CHRM3: variants seen among roughly 807,000 people sequenced by gnomAD.
CHRM3 encodes muscarinic acetylcholine receptor M3.
Under a neutral mutation model 41.8 loss-of-function variants are expected in CHRM3, and 11 were observed. The ratio of observed to expected loss-of-function variants is 0.26; its 90% CI spans 0.17 to 0.44. The LOEUF (loss-of-function observed/expected upper bound fraction) is 0.44, where lower values mean the gene tolerates loss of function less well. CHRM3 is among the 20% of genes least tolerant of loss of function. The pLI is 1.00. For missense variants in CHRM3, 571 were observed against 745.4 expected, an observed-to-expected ratio of 0.77 and a Z score of 2.72; for synonymous variants, 297 against 301.4, an observed-to-expected ratio of 0.99 and a Z score of 0.15.
rs1660702967 is a variant in CHRM3 at position 239,559,895 on chromosome 1, G to T, written c.-313+14146G>T. On this transcript the variant is annotated intron_variant, in intron 3 of 6. Transcript: ENST00000676153. The stretch of plus-strand genomic sequence containing the variant: ...GGTGTTATCAAAATTAACCTTTAAG[G>T]TGAAACAATACATTGTATGGCTATT... Among the ~76,000 whole-genome samples the T allele has an allele frequency of 3.3e-5, 5 of 152,100 alleles. No individual in the cohort carries two copies. In the South Asian group the frequency reaches 1.0e-3, roughly 32 times the overall value.
chr1:239,499,217 A>T (rs890208281), intron 2 of CHRM3, among the ~76,000 whole-genome samples: 1 of 152,158 alleles, frequency 6.6e-6, no homozygotes, highest in South Asian at 2.1e-4. Context: ...TTAGGAGATC[A>T]TTCGGTGCTA....
chr1:239,651,531 T>A (rs1359113197), intron 4 of CHRM3, among the ~76,000 whole-genome samples: 1 of 152,168 alleles, frequency 6.6e-6, no homozygotes, highest in South Asian at 2.1e-4. Context: ...GCTAAGACAG[T>A]GTGCAGGTTC....
intron 5 of CHRM3, among the ~76,000 whole-genome samples, chr1:239,805,706 T>C (rs1056417838): frequency 6.6e-6 from 1 of 152,104 alleles, no homozygotes; most frequent in Non-Finnish European, 1.5e-5. Flanking sequence ...TAGTTACATT[T>C]TTTGAGTAAT....
intron 3 of CHRM3, among the ~76,000 whole-genome samples, chr1:239,629,990 A>G (rs1669622586): frequency 6.6e-6 from 1 of 152,214 alleles, no homozygotes; most frequent in South Asian, 2.1e-4. Context: ...AATGAATGTT[A>G]CATGCAATTA....
intron 3 of CHRM3, among the ~76,000 whole-genome samples, chr1:239,614,835 G>A (rs1347645568): frequency 6.6e-6 from 1 of 152,136 alleles, no homozygotes. Context: ...CAAAAGGTGG[G>A]AATGATTTTA....
In CHRM3 at chr1:239,429,973, C is replaced by CTTT. The variant is rs35583332; in HGVS notation, c.-521+42759_-521+42761dup. Among the ~76,000 whole-genome samples, 10 of 138,210 alleles carry CTTT rather than the reference C, an allele frequency of 7.2e-5. 1 individual carries two copies. The highest frequency in any genetic ancestry group is 2.4e-4 in the South Asian group (1 of 4,212). 90.7% of individuals were successfully genotyped at this position (138,210 alleles called of 152,430 possible). On this transcript the variant is annotated intron_variant, in intron 1 of 6. Transcript: ENST00000676153. ...CTCAGTAAATAAACACCCAGACAATCTTTTTTTTTTTTTTTGAGATGTCTT... is the reference window on the plus strand; with the variant it reads ...CTCAGTAAATAAACACCCAGACAATCTTTTTTTTTTTTTTTTTTGAGATGTCTT...
At chr1:239,404,440 AAG>A (rs376700702) in intron 1 of CHRM3, among the ~76,000 whole-genome samples, 100 of 127,592 alleles carry the variant, frequency 7.8e-4, no homozygotes, top group Non-Finnish European at 1.1e-3. Flanking sequence ...GAAAGAAAGA[AAG>A]AAAGAAAGAA....
intron 5 of CHRM3, among the ~76,000 whole-genome samples, chr1:239,799,069 A>G (rs1558132259): frequency 6.6e-6 from 1 of 152,196 alleles, no homozygotes; most frequent in Non-Finnish European, 1.5e-5. Flanking sequence ...TAAAGGAAAC[A>G]CAGAAGAGAA....
intron 5 of CHRM3, among the ~76,000 whole-genome samples, chr1:239,700,671 C>T (rs1413571983): frequency 6.6e-6 from 1 of 152,172 alleles, no homozygotes; most frequent in Non-Finnish European, 1.5e-5. Context: ...AGTCATGCAC[C>T]TGTAGCCCGC....
intron 1 of CHRM3, among the ~76,000 whole-genome samples, chr1:239,422,657 T>C (rs1659225243): frequency 6.6e-6 from 1 of 151,870 alleles, no homozygotes; most frequent in Non-Finnish European, 1.5e-5. Flanking sequence ...TAGCCAGGCA[T>C]GGTGGCGTGT....
intron 5 of CHRM3, among the ~76,000 whole-genome samples, chr1:239,776,850 G>T (rs1668127469): frequency 6.6e-6 from 1 of 152,124 alleles, no homozygotes; most frequent in Admixed American, 6.5e-5. Context: ...GAGAAGTACA[G>T]AGCAAAGTAG....
chr1:239,609,480 A>G (rs770766078), intron 3 of CHRM3, among the ~76,000 whole-genome samples: 3 of 152,218 alleles, frequency 2.0e-5, no homozygotes, highest in Admixed American at 2.0e-4. Flanking sequence ...CTATGTGTGG[A>G]AAAAGGCTGT....
At chr1:239,589,818 A>G in intron 3 of CHRM3, among the ~76,000 whole-genome samples, 1 of 151,256 alleles carries the variant, frequency 6.6e-6, no homozygotes, top group East Asian at 2.0e-4. Context: ...TTTTATGTAT[A>G]TAGTTATATA....
intron 3 of CHRM3, chr1:239,546,573 TTTTAA>T (rs1181431902): frequency 1.1e-4 from 16 of 152,184 alleles, no homozygotes; most frequent in African/African-American, 3.9e-4. Flanking sequence ...TCCTCATTAA[TTTTAA>T]TTTATGACCC....
chr1:239,863,538 A>C (rs557969118), intron 6 of CHRM3, among the ~76,000 whole-genome samples: 1 of 152,274 alleles, frequency 6.6e-6, no homozygotes, highest in East Asian at 1.9e-4. Context: ...AATCCTATCT[A>C]ATCAGCAGAC....
intron 5 of CHRM3, among the ~76,000 whole-genome samples, chr1:239,772,783 C>T (rs546738862): frequency 6.6e-6 from 1 of 152,186 alleles, no homozygotes. Flanking sequence ...TTCCTTCCAA[C>T]AAGCTCTTAC....
chr1:239,557,001 C>G (rs1660427779), intron 3 of CHRM3, among the ~76,000 whole-genome samples: 1 of 151,992 alleles, frequency 6.6e-6, no homozygotes, highest in African/African-American at 2.4e-5. Context: ...TAAATAGTAA[C>G]TGGATCTTGG....
At chr1:239,404,168 A>G (rs899754789) in intron 1 of CHRM3, among the ~76,000 whole-genome samples, 18 of 151,110 alleles carry the variant, frequency 1.2e-4, no homozygotes, top group African/African-American at 4.4e-4. Context: ...GGGCACCTGT[A>G]GTCCCAGCTA....
chr1:239,632,369 A>G (rs568580786), intron 4 of CHRM3, 83 bp downstream of exon 4: 1 of 152,314 alleles, frequency 6.6e-6, no homozygotes, highest in African/African-American at 2.4e-5. Flanking sequence ...AACAAGGAAT[A>G]AGAATGTATA....
Sources: gnomAD v4.1 joint callset for allele counts (sites outside exome capture counted in the v4.1 genomes callset) on GRCh38, gnomAD v4.1.1 for gene constraint, MANE v1.5 for transcripts, NCBI Gene and HGNC (gene_info 2026-07-23, HGNC 2026-07-21) for gene names.